Variants in S100Z observed in about 807,000 individuals in gnomAD.
S100Z encodes the protein protein S100-Z.
A neutral mutation model predicts 8.5 loss-of-function variants in S100Z; 11 were observed. That is an observed-to-expected ratio of 1.30 (90% confidence interval 0.82 to 2.15). The LOEUF (loss-of-function observed/expected upper bound fraction) is 2.15, where lower values mean the gene tolerates loss of function less well. Ranked by LOEUF, S100Z falls within the 30% of genes most tolerant of loss-of-function variation. The pLI is 0.00. For missense variants in S100Z, 126 were observed against 117.9 expected (o/e 1.07, Z -0.32); for synonymous variants, 34 against 43.8 (o/e 0.78, Z 0.89).
At chr5:76,936,640 C>T in the S100Z span, among the ~76,000 whole-genome samples, 1 of 145,118 alleles carries the variant, frequency 6.9e-6, no homozygotes, top group Non-Finnish European at 1.6e-5. Flanking sequence ...CACACACACA[C>T]ACACACACAC....
chr5:76,893,925 G>T (rs1258099911), intron 4 of S100Z, among the ~76,000 whole-genome samples: 1 of 152,038 alleles, frequency 6.6e-6, no homozygotes, highest in Non-Finnish European at 1.5e-5. Context: ...TTATCTTGAG[G>T]CATTTAAACA....
At chr5:76,888,511 G>A (rs571955344) in intron 4 of S100Z, among the ~76,000 whole-genome samples, 315 of 150,374 alleles carry the variant, frequency 2.1e-3, no homozygotes, top group Admixed American at 4.0e-3. Context: ...AAGTATCTGG[G>A]ACTACAGGCA....
At chr5:76,949,522 C>T in the S100Z span, among the ~76,000 whole-genome samples, 5 of 152,266 alleles carry the variant, frequency 3.3e-5, no homozygotes, top group South Asian at 2.1e-4. Flanking sequence ...TTCCTATGTT[C>T]GTTGCACCAG....
At chr5:76,899,439 C>T (rs1235142454) in intron 4 of S100Z, among the ~76,000 whole-genome samples, 4 of 149,216 alleles carry the variant, frequency 2.7e-5, no homozygotes, top group Admixed American at 6.7e-5. Context: ...TCTTTCCTTC[C>T]TTTTGTTATC....
chr5:76,938,818 T>C, the S100Z span, among the ~76,000 whole-genome samples: 1 of 152,188 alleles, frequency 6.6e-6, no homozygotes, highest in African/African-American at 2.4e-5. Flanking sequence ...CAGGGCCCCA[T>C]GTTTTTAAAC....
chr5:76,865,339 G>A (rs561273692), intron 1 of S100Z, among the ~76,000 whole-genome samples: 26 of 149,880 alleles, frequency 1.7e-4, no homozygotes, highest in African/African-American at 5.7e-4. Context: ...CCGCCTCCCG[G>A]CTTCAAGTGA....
chr5:76,929,802 A>G, the S100Z span, among the ~76,000 whole-genome samples: 568 of 152,320 alleles, frequency 3.7e-3, 2 homozygotes, highest in Non-Finnish European at 5.9e-3. Context: ...TAGCTGGTTG[A>G]TGGGTGTTAT....
rs1409286288 is a variant in S100Z at position 76,877,835 on chromosome 5, G to A, written c.*2+1G>A. 6.2e-7 allele frequency: 1 copy of A among 1,606,298 alleles called. No homozygotes were observed. The highest frequency in any genetic ancestry group is 1.3e-5 in the African/African-American group (1 of 74,892). ...AATTGAAGAAGAAAGGAAAATAAAG[G>A]TAAGTAATAAGCTCATCTAAAGGCA... On this transcript the variant is annotated splice_donor_variant, in intron 4 of 4. Coordinates refer to ENST00000317593, the MANE Select transcript of S100Z (RefSeq NM_130772.4). LOFTEE classifies it low-confidence loss of function (3UTR_SPLICE).
chr5:76,925,564 C>CT (rs945507919), downstream of S100Z, among the ~76,000 whole-genome samples: 26 of 148,226 alleles, frequency 1.8e-4, no homozygotes, highest in South Asian at 6.4e-4. Context: ...CCCACAAGCA[C>CT]TTTTTTTTTT....
chr5:76,863,694 A>T (rs1037850494), intron 1 of S100Z, among the ~76,000 whole-genome samples: 8 of 151,694 alleles, frequency 5.3e-5, no homozygotes, highest in Non-Finnish European at 1.2e-4. Context: ...ACCCGCCACC[A>T]CACCCAGCTA....
chr5:76,873,001 A>T (rs1485005402), intron 2 of S100Z, among the ~76,000 whole-genome samples: 1 of 152,096 alleles, frequency 6.6e-6, no homozygotes, highest in Non-Finnish European at 1.5e-5. Context: ...AATAAATAAA[A>T]TAAATATTGT....
At chr5:76,877,900 C>A (rs1743257233) in intron 4 of S100Z, 66 bp downstream of exon 4, 1 of 1,121,060 alleles carries the variant, frequency 8.9e-7, no homozygotes, top group Non-Finnish European at 1.3e-6. Context: ...TTCATTTATA[C>A]CGTTCAGATC....
At chr5:76,946,143 T>TA in the S100Z span, among the ~76,000 whole-genome samples, 1 of 152,190 alleles carries the variant, frequency 6.6e-6, no homozygotes, top group Non-Finnish European at 1.5e-5. Flanking sequence ...GGGATCTCTT[T>TA]AGTCTGGATT....
chr5:76,940,936 C>G, the S100Z span, among the ~76,000 whole-genome samples: 1 of 152,014 alleles, frequency 6.6e-6, no homozygotes, highest in Admixed American at 6.5e-5. Flanking sequence ...GTCAGGATGC[C>G]CCTCTGTTGG....
At chr5:76,894,917 G>T (rs1324754262) in intron 4 of S100Z, among the ~76,000 whole-genome samples, 1 of 152,002 alleles carries the variant, frequency 6.6e-6, no homozygotes, top group African/African-American at 2.4e-5. Context: ...TTTAAATTTT[G>T]ATGTTTCAAC....
chr5:76,884,321 T>C (rs531169773), intron 4 of S100Z, among the ~76,000 whole-genome samples: 7 of 152,312 alleles, frequency 4.6e-5, no homozygotes, highest in African/African-American at 1.7e-4. Flanking sequence ...CTCGCCTAGC[T>C]ATACCTGGGG....
At chr5:76,935,175 A>G in the S100Z span, among the ~76,000 whole-genome samples, 4 of 152,362 alleles carry the variant, frequency 2.6e-5, no homozygotes, top group South Asian at 6.2e-4. Context: ...CAACGTAGCC[A>G]AAATACATGT....
chr5:76,865,874 G>T (rs973494642), intron 1 of S100Z, among the ~76,000 whole-genome samples: 2 of 150,810 alleles, frequency 1.3e-5, no homozygotes, highest in African/African-American at 4.9e-5. Context: ...AATTAGCCAG[G>T]TGTGGTGGCG....
At chr5:76,861,626 A>C (rs1007062148) in intron 1 of S100Z, among the ~76,000 whole-genome samples, 1 of 152,228 alleles carries the variant, frequency 6.6e-6, no homozygotes, top group Non-Finnish European at 1.5e-5. Context: ...GGCGTGAGCC[A>C]CTGTGCCCGG....
Sources: allele counts gnomAD v4.1 joint callset (sites outside exome capture counted in the v4.1 genomes callset), GRCh38; gene constraint gnomAD v4.1.1; transcripts MANE v1.5; gene names NCBI Gene and HGNC (gene_info 2026-07-23, HGNC 2026-07-21).